COL5A1: variants seen among roughly 807,000 people sequenced by gnomAD.
COL5A1 encodes the protein collagen type V alpha 1 chain.
Under a neutral mutation model 263.7 loss-of-function variants are expected in COL5A1, and 16 were observed. That is an observed-to-expected ratio of 0.06 (90% CI 0.04 to 0.09). COL5A1 has a LOEUF of 0.09. Ranked by LOEUF, COL5A1 falls within the 10% of genes least tolerant of loss-of-function variation. The probability of loss-of-function intolerance (pLI) is 1.00; values close to 1 mark genes in which losing one functional copy is unlikely to be tolerated. For missense variants in COL5A1, 2,036 were observed against 2,540.5 expected (o/e 0.80, Z 4.27); for synonymous variants, 1,012 against 1,004.5 (o/e 1.01, Z -0.14).
chr9:134,775,817 C>T (rs973047994), intron 27 of COL5A1, among the ~76,000 whole-genome samples: 1 of 152,198 alleles, frequency 6.6e-6, no homozygotes, highest in African/African-American at 2.4e-5. Flanking sequence ...AGCTCCCCTG[C>T]CCCTCACCTC....
At chr9:134,770,109 G>A (rs1002062386) in intron 25 of COL5A1, among the ~76,000 whole-genome samples, 1 of 152,234 alleles carries the variant, frequency 6.6e-6, no homozygotes, top group Non-Finnish European at 1.5e-5. Context: ...GCAAAAGGAA[G>A]CAAAGGGTAG....
chr9:134,726,148 C>T lies in COL5A1; in HGVS notation c.655-1118C>T, dbSNP rs190998110. Reference sequence around the variant, plus strand: ...ACCTCCAAGCCCTCGGGGTCTAGGGCGGGTGAGAGTGCAGGCTGTTTCTCA... The same window carrying T: ...ACCTCCAAGCCCTCGGGGTCTAGGGTGGGTGAGAGTGCAGGCTGTTTCTCA... On this transcript the variant is annotated intron_variant, in intron 4 of 65. Coordinates refer to ENST00000371817, the MANE Select transcript of COL5A1 (RefSeq NM_000093.5). Among the ~76,000 whole-genome samples the T allele has an allele frequency of 1.0e-3, 158 of 152,284 alleles. 1 individual carries two copies. The highest frequency in any genetic ancestry group is 3.6e-3 in the African/African-American group (151 of 41,554).
chr9:134,750,421 C>CT (rs1470695787), intron 11 of COL5A1, 121 bp from the exon 12 acceptor site: 1 of 875,128 alleles, frequency 1.1e-6, no homozygotes, highest in Non-Finnish European at 1.9e-6. Flanking sequence ...GGTCTCACAG[C>CT]TTCTGTGCGT....
intron 4 of COL5A1, among the ~76,000 whole-genome samples, chr9:134,710,721 A>G (rs1303195509): frequency 1.2e-4 from 3 of 25,640 alleles, no homozygotes; most frequent in East Asian, 1.0e-3. Context: ...GTGGGGGAGG[A>G]GCCCTATTTG....
At chr9:134,831,125 T>C (rs1839602225) in intron 64 of COL5A1, among the ~76,000 whole-genome samples, 1 of 152,184 alleles carries the variant, frequency 6.6e-6, no homozygotes, top group Non-Finnish European at 1.5e-5. Flanking sequence ...CCACTTGCCA[T>C]GGGTTGCTGC....
chr9:134,829,920 G>A (rs34088548), intron 63 of COL5A1, 56 bp from the exon 64 acceptor site: 1 of 1,567,150 alleles, frequency 6.4e-7, no homozygotes, highest in Non-Finnish European at 8.7e-7. Flanking sequence ...GGAGGCCGGA[G>A]AAGTAACCCT....
intron 27 of COL5A1, 134 bp from the exon 28 acceptor site, chr9:134,779,965 GGAA>G: frequency 1.1e-6 from 1 of 911,156 alleles, no homozygotes; most frequent in Non-Finnish European, 1.8e-6. Context: ...ACATATGGGA[GGAA>G]GTGTGTTGAG....
At chr9:134,670,065 C>CCCTG (rs1483430371) in intron 1 of COL5A1, among the ~76,000 whole-genome samples, 21 of 152,322 alleles carry the variant, frequency 1.4e-4, no homozygotes, top group African/African-American at 3.6e-4. Context: ...CGGTGTTGTG[C>CCCTG]CCTGCACTTA....
At chr9:134,775,862 G>T (rs952543038) in intron 27 of COL5A1, among the ~76,000 whole-genome samples, 1 of 152,176 alleles carries the variant, frequency 6.6e-6, no homozygotes, top group African/African-American at 2.4e-5. Context: ...TTCAAACATT[G>T]TTGCACATCA....
At chr9:134,831,651 C>T (rs1016736180) in intron 64 of COL5A1, among the ~76,000 whole-genome samples, 12 of 152,282 alleles carry the variant, frequency 7.9e-5, no homozygotes, top group Admixed American at 2.6e-4. Flanking sequence ...TTACCGCCTG[C>T]GCTTGGCACT....
intron 1 of COL5A1, among the ~76,000 whole-genome samples, chr9:134,644,236 CGTG>C (rs1831397474): frequency 5.9e-5 from 2 of 33,948 alleles, no homozygotes; most frequent in Non-Finnish European, 5.4e-5. Context: ...GAGATGCAGG[CGTG>C]GCGGGGAGGG....
At chr9:134,694,558 A>G (rs563052968) in intron 2 of COL5A1, among the ~76,000 whole-genome samples, 145 of 152,342 alleles carry the variant, frequency 9.5e-4, no homozygotes, top group African/African-American at 3.2e-3. Context: ...GGGGCAGGAC[A>G]GAGGCTAGAA....
At chr9:134,790,131 C>T (rs1175915947) in intron 32 of COL5A1, among the ~76,000 whole-genome samples, 1 of 152,240 alleles carries the variant, frequency 6.6e-6, no homozygotes, top group Non-Finnish European at 1.5e-5. Context: ...TACAGGGTTG[C>T]AGCTCCCTCT....
rs1293021428 is a variant in COL5A1 at position 134,742,738 on chromosome 9, G to A, written c.1494+3930G>A. Among the ~76,000 whole-genome samples, 5 of 152,306 alleles carry A rather than the reference G, an allele frequency of 3.3e-5. No homozygotes were observed. Among genetic ancestry groups the A allele is most frequent in the East Asian group, 3.9e-4 (2 of 5,174 alleles). Reference sequence around the variant, plus strand: ...TAGGGGCTGACTCTTTTGCGCATCCGGGAATATAGTGAGATATCAGTGGGT... The same window carrying A: ...TAGGGGCTGACTCTTTTGCGCATCCAGGAATATAGTGAGATATCAGTGGGT... On this transcript the variant is annotated intron_variant, in intron 11 of 65. Transcript: ENST00000371817. This position sits in a 1 kb window ranked among gnomAD's most constrained non-coding sequence, Gnocchi z 4.6.
At chr9:134,839,668 C>G (rs1201569279) in intron 65 of COL5A1, among the ~76,000 whole-genome samples, 1 of 152,212 alleles carries the variant, frequency 6.6e-6, no homozygotes, top group African/African-American at 2.4e-5. Flanking sequence ...CTGGGTGGGA[C>G]TGGGCCAGGG....
intron 1 of COL5A1, among the ~76,000 whole-genome samples, chr9:134,676,705 C>CCATGGAGCCACGAA (rs1554777802): frequency 3.3e-5 from 5 of 152,158 alleles, no homozygotes; most frequent in South Asian, 2.1e-4. Context: ...CCTTTATTTG[C>CCATGGAGCCACGAA]TGGTGGGGGT....
rs766769935 is a variant in COL5A1 at position 134,681,369 on chromosome 9, G to A, written c.110-9543G>A. 1.3e-5 allele frequency among the ~76,000 whole-genome samples: 2 copies of A among 152,218 alleles called. No homozygotes were observed. Among genetic ancestry groups the A allele is most frequent in the African/African-American group, 4.8e-5 (2 of 41,460 alleles). ...TGATGGCTTCGTGAACAATTTCTGC[G>A]AGCATCTGCGGGTGCCGGGCTGTGC... On this transcript the variant is annotated intron_variant, in intron 1 of 65. Transcript: ENST00000371817. The surrounding 1 kb of genome is among the most constrained non-coding windows in gnomAD (Gnocchi z 4.3).
Position 134,843,594 on chromosome 9 carries a change from G to A in COL5A1, c.*1291G>A, listed in dbSNP as rs1482843900. On this transcript the variant is annotated 3_prime_UTR_variant, in exon 66 of 66. Transcript: ENST00000371817. ...CCGCCCCGGTGCGTCCACTCCCGAG[G>A]GCTGTTATGAGGACTGGGTTGTGCC... 6.6e-6 allele frequency: 1 copy of A among 152,642 alleles called. No individual in the cohort carries two copies. The highest frequency in any genetic ancestry group is 2.4e-5 in the African/African-American group (1 of 41,430). 9.5% of individuals were successfully genotyped at this position (152,642 alleles called of 1,614,324 possible).
chr9:134,694,837 G>A (rs1283693413), intron 2 of COL5A1, among the ~76,000 whole-genome samples: 3 of 152,108 alleles, frequency 2.0e-5, no homozygotes, highest in Non-Finnish European at 4.4e-5. Flanking sequence ...TGCAGACATC[G>A]CCTCACGGTG....
Sources: allele counts gnomAD v4.1 joint callset (sites outside exome capture counted in the v4.1 genomes callset), GRCh38; gene constraint gnomAD v4.1.1; non-coding constraint Gnocchi (gnomAD v3.1); transcripts MANE v1.5; gene names NCBI Gene and HGNC (gene_info 2026-07-23, HGNC 2026-07-21).